Variants in GMDS observed in about 807,000 individuals in gnomAD.
GMDS encodes the protein GDP-mannose 4,6 dehydratase.
Under a neutral mutation model 49.9 loss-of-function variants are expected in GMDS, and 20 were observed. The ratio of observed to expected loss-of-function variants is 0.40; its 90% CI spans 0.28 to 0.58. The LOEUF is 0.58. Among genes scored for constraint, GMDS ranks in the 20% least tolerant of loss-of-function variants. The probability of loss-of-function intolerance (pLI) is 0.42; values close to 1 mark genes in which losing one functional copy is unlikely to be tolerated. For missense variants in GMDS, 362 were observed against 481.4 expected (o/e 0.75, Z 2.32); for synonymous variants, 177 against 178.6 (o/e 0.99, Z 0.07).
At chr6:2,163,414 T>G (rs1316606554) in intron 1 of GMDS, among the ~76,000 whole-genome samples, 1 of 145,540 alleles carries the variant, frequency 6.9e-6, no homozygotes, top group Admixed American at 6.8e-5. Context: ...AACATGTGTG[T>G]GTCTATGTGT....
At chr6:1,809,369 C>A (rs1770315878) in intron 7 of GMDS, among the ~76,000 whole-genome samples, 1 of 152,224 alleles carries the variant, frequency 6.6e-6, no homozygotes, top group Non-Finnish European at 1.5e-5. Context: ...CCAGGTTTAA[C>A]AGAACCCATT....
At chr6:1,737,747 TACAC>T (rs766557357) in intron 8 of GMDS, among the ~76,000 whole-genome samples, 2 of 83,422 alleles carry the variant, frequency 2.4e-5, no homozygotes, top group South Asian at 8.4e-4. Context: ...CACATACACA[TACAC>T]ATACACACAC....
At chr6:1,674,465 G>A (rs1017400387) in intron 9 of GMDS, among the ~76,000 whole-genome samples, 8 of 149,750 alleles carry the variant, frequency 5.3e-5, no homozygotes, top group African/African-American at 2.0e-4. Flanking sequence ...GTCTTGACTT[G>A]TCTACTTGTC....
intron 8 of GMDS, among the ~76,000 whole-genome samples, chr6:1,733,599 T>A (rs1251458902): frequency 6.6e-6 from 1 of 152,192 alleles, no homozygotes; most frequent in Non-Finnish European, 1.5e-5. Flanking sequence ...GGCGGATCAC[T>A]TGAGGCCACG....
intron 9 of GMDS, among the ~76,000 whole-genome samples, chr6:1,654,366 C>T (rs910143412): frequency 2.6e-5 from 4 of 152,158 alleles, no homozygotes; most frequent in African/African-American, 4.8e-5. Context: ...CCTAAGTGTC[C>T]GTTGACAGAT....
At chr6:2,199,871 C>T (rs1004577832) in intron 1 of GMDS, among the ~76,000 whole-genome samples, 4 of 152,026 alleles carry the variant, frequency 2.6e-5, no homozygotes, top group Non-Finnish European at 1.5e-5. Flanking sequence ...GAATATTTAT[C>T]AAAAATAAAT....
chr6:2,028,590 G>A lies in GMDS; in HGVS notation c.346-67624C>T, dbSNP rs987993237. 6.6e-5 allele frequency among the ~76,000 whole-genome samples: 10 copies of A among 152,204 alleles called. No homozygotes were observed. In the South Asian group the frequency reaches 1.9e-3, roughly 28 times the overall value. ...TTACAAAGGCTTGATCTTCAGTCTT[G>A]TAACGAAAGAGGAAGCACATCTCAG... On this transcript the variant is annotated intron_variant, in intron 4 of 10. Coordinates refer to ENST00000380815, the MANE Select transcript of GMDS (RefSeq NM_001500.4).
At chr6:1,938,677 C>T (rs1676079767) in intron 6 of GMDS, among the ~76,000 whole-genome samples, 1 of 151,974 alleles carries the variant, frequency 6.6e-6, no homozygotes, top group African/African-American at 2.4e-5. Flanking sequence ...CATGGTGCTT[C>T]CTGCATCTGT....
intron 4 of GMDS, among the ~76,000 whole-genome samples, chr6:1,962,498 T>C (rs1764010269): frequency 6.6e-6 from 1 of 152,214 alleles, no homozygotes. Flanking sequence ...GCCTGCGTCA[T>C]TTCACCTTCT....
chr6:1,786,405 G>C (rs1769321981), intron 7 of GMDS, among the ~76,000 whole-genome samples: 1 of 152,230 alleles, frequency 6.6e-6, no homozygotes, highest in South Asian at 2.1e-4. Context: ...AGCAGGCCAG[G>C]GAAAGAGTGG....
chr6:1,978,114 T>C lies in GMDS; in HGVS notation c.346-17148A>G, dbSNP rs554643785. ...ACGGAGAGAGGGGCAGGCTGCCACCTGGATTGCTGGATAACTCAGCTGTTC... is the reference window on the plus strand; with the variant it reads ...ACGGAGAGAGGGGCAGGCTGCCACCCGGATTGCTGGATAACTCAGCTGTTC... On this transcript the variant is annotated intron_variant, in intron 4 of 10. Transcript: ENST00000380815. 9.8e-5 allele frequency among the ~76,000 whole-genome samples: 15 copies of C among 152,304 alleles called. No homozygotes were observed. In the East Asian group the frequency reaches 2.3e-3, roughly 24 times the overall value.
At chr6:1,883,308 T>C (rs1320586625) in intron 7 of GMDS, among the ~76,000 whole-genome samples, 3 of 152,088 alleles carry the variant, frequency 2.0e-5, no homozygotes, top group Non-Finnish European at 4.4e-5. Context: ...GGAGAATTGC[T>C]TAACCCTAGG....
At chr6:1,891,806 G>A (rs934719456) in intron 7 of GMDS, among the ~76,000 whole-genome samples, 9 of 152,136 alleles carry the variant, frequency 5.9e-5, no homozygotes, top group Non-Finnish European at 1.3e-4. Context: ...TCATTCCTAT[G>A]CACACTAGAA....
chr6:2,035,217 A>G (rs1769225133), intron 4 of GMDS, among the ~76,000 whole-genome samples: 1 of 152,192 alleles, frequency 6.6e-6, no homozygotes, highest in African/African-American at 2.4e-5. Context: ...AGGCTTCATT[A>G]TGAAAGGTGT....
rs115874509 is a variant in GMDS at position 2,137,688 on chromosome 6, C to T, written c.103-12957G>A. Reference sequence around the variant, plus strand: ...GGGCAAGTGCCCCTTTTTGTTTCAACAAAAGATCATCTTTGGTTGGAGTAA... The same window carrying T: ...GGGCAAGTGCCCCTTTTTGTTTCAATAAAAGATCATCTTTGGTTGGAGTAA... On this transcript the variant is annotated intron_variant, in intron 1 of 10. Coordinates refer to ENST00000380815, the MANE Select transcript of GMDS (RefSeq NM_001500.4). Among the ~76,000 whole-genome samples the T allele has an allele frequency of 5.7e-3, 868 of 152,260 alleles. 2 individuals carry two copies. Among genetic ancestry groups the T allele is most frequent in the Middle Eastern group, 0.017 (5 of 294 alleles).
chr6:1,861,823 AAC>A (rs1394703566), intron 7 of GMDS, among the ~76,000 whole-genome samples: 1 of 152,234 alleles, frequency 6.6e-6, no homozygotes, highest in East Asian at 1.9e-4. Context: ...GGGTTTTATA[AAC>A]ACATTTTGTC....
intron 1 of GMDS, among the ~76,000 whole-genome samples, chr6:2,145,380 AT>A (rs1776501022): frequency 6.6e-6 from 1 of 151,932 alleles, no homozygotes. Context: ...ACTAAAAAAA[AT>A]ATAAAAATTA....
intron 7 of GMDS, among the ~76,000 whole-genome samples, chr6:1,746,026 C>T (rs1156378496): frequency 6.6e-6 from 1 of 152,224 alleles, no homozygotes; most frequent in Non-Finnish European, 1.5e-5. Flanking sequence ...CAGCTGCACA[C>T]GTTGATGTGC....
chr6:1,759,072 G>C (rs553767521), intron 7 of GMDS, among the ~76,000 whole-genome samples: 2 of 152,182 alleles, frequency 1.3e-5, no homozygotes, highest in African/African-American at 4.8e-5. Context: ...ACAGGTGTGC[G>C]CCACCACGCC....
Sources: gnomAD v4.1 joint callset for allele counts (sites outside exome capture counted in the v4.1 genomes callset) on GRCh38, gnomAD v4.1.1 for gene constraint, MANE v1.5 for transcripts, NCBI Gene and HGNC (gene_info 2026-07-23, HGNC 2026-07-21) for gene names.